Variants in CTNND2 observed in about 807,000 individuals in gnomAD.
CTNND2 encodes the protein catenin delta-2.
CTNND2 carries 22 observed loss-of-function variants against 144.4 expected under a neutral mutation model. That is an observed-to-expected ratio of 0.15 (90% CI 0.11 to 0.22). CTNND2 has a LOEUF of 0.22. Among genes scored for constraint, CTNND2 ranks in the 10% least tolerant of loss-of-function variants. The pLI, the probability that CTNND2 is intolerant of heterozygous loss-of-function variation, is 1.00. For synonymous variants in CTNND2, 751 were observed against 695.6 expected (o/e 1.08, Z -1.25); for missense variants, 1,353 against 1,618.8 (o/e 0.84, Z 2.82).
intron 9 of CTNND2, among the ~76,000 whole-genome samples, chr5:11,254,520 G>A (rs1744016321): frequency 6.6e-6 from 1 of 152,126 alleles, no homozygotes; most frequent in African/African-American, 2.4e-5. Flanking sequence ...GACTCCATTT[G>A]AATAGGTATC....
chr5:11,768,638 G>A (rs781252663), intron 1 of CTNND2, among the ~76,000 whole-genome samples: 53 of 152,134 alleles, frequency 3.5e-4, no homozygotes, highest in Non-Finnish European at 6.3e-4. Flanking sequence ...CATTGCTGAA[G>A]TTCACATAAC....
chr5:11,485,374 T>TGTGTGTGTGTGC (rs1191824518), intron 3 of CTNND2, among the ~76,000 whole-genome samples: 1 of 140,520 alleles, frequency 7.1e-6, no homozygotes, highest in African/African-American at 2.8e-5. Context: ...TGTGTGTGTG[T>TGTGTGTGTGTGC]GCGCGCGCGC....
At chr5:11,871,276 ATC>A (rs779342623) in intron 1 of CTNND2, among the ~76,000 whole-genome samples, 31 of 152,288 alleles carry the variant, frequency 2.0e-4, no homozygotes, top group Non-Finnish European at 3.8e-4. Context: ...CCTCTAAGCC[ATC>A]TCTCATGTTT....
chr5:11,592,964 C>T (rs989242407), intron 2 of CTNND2, among the ~76,000 whole-genome samples: 1 of 151,786 alleles, frequency 6.6e-6, no homozygotes, highest in Non-Finnish European at 1.5e-5. Context: ...CACACATACA[C>T]CTGATTTACA....
rs1561165020 is a variant in CTNND2 at position 11,009,658 on chromosome 5, CAAAAAT to C, written c.3084+8310_3084+8315del. Among the ~76,000 whole-genome samples the C allele has an allele frequency of 3.7e-4, 56 of 152,284 alleles. No homozygotes were observed. In the South Asian group the frequency reaches 0.011, roughly 31 times the overall value. Reference sequence around the variant, plus strand: ...TGGGGTATTTTTGTAGGGTTTGATTCAAAAATGTTACGAGCGAAGCCTTGTGAAATG... The same window carrying C: ...TGGGGTATTTTTGTAGGGTTTGATTCGTTACGAGCGAAGCCTTGTGAAATG... On this transcript the variant is annotated intron_variant, in intron 18 of 21. Coordinates refer to ENST00000304623, the MANE Select transcript of CTNND2 (RefSeq NM_001332.4).
chr5:11,651,089 T>C (rs1782625131), intron 2 of CTNND2, among the ~76,000 whole-genome samples: 1 of 152,148 alleles, frequency 6.6e-6, no homozygotes. Context: ...CAGTAGCCCA[T>C]CCCATTACAG....
chr5:11,310,060 G>A (rs904344162), intron 9 of CTNND2, among the ~76,000 whole-genome samples: 9 of 151,922 alleles, frequency 5.9e-5, no homozygotes, highest in Admixed American at 5.2e-4. Context: ...TCTATCTCAG[G>A]TAGTTTTTTT....
In CTNND2 at chr5:11,384,729, C is replaced by G. The variant is rs554473547; in HGVS notation, c.1113G>C (p.Gln371His). 1 of 1,612,472 alleles carries G rather than the reference C, an allele frequency of 6.2e-7. No homozygotes were observed. The highest frequency in any genetic ancestry group is 2.2e-5 in the East Asian group (1 of 44,836). Reference protein sequence around the residue: ...PTKRLVHASEQYSKHSQELYA... With the variant: ...PTKRLVHASEHYSKHSQELYA... ...ACAGCTCCTGCGAGTGCTTGCTGTACTGCTCGGACGCGTGGACCAGGCGCT... is the reference window on the plus strand; with the variant it reads ...ACAGCTCCTGCGAGTGCTTGCTGTAGTGCTCGGACGCGTGGACCAGGCGCT... The change falls in exon 7 of 22, where the codon CAG (glutamine) becomes CAC (histidine). Residue 371 changes from glutamine to histidine, a missense_variant. Around this residue, in one of 4 missense-constraint regions of CTNND2, gnomAD observed 708 missense variants for 706.4 expected, o/e 1.00. Coordinates refer to ENST00000304623, the MANE Select transcript of CTNND2 (RefSeq NM_001332.4). The surrounding 1 kb of genome is among the most constrained non-coding windows in gnomAD (Gnocchi z 5.2).
intron 14 of CTNND2, 52 bp downstream of exon 14, chr5:11,110,806 G>A: frequency 1.3e-6 from 2 of 1,530,874 alleles, no homozygotes; most frequent in South Asian, 1.2e-5. Flanking sequence ...ATATATTACA[G>A]TTGCAATTAG....
At chr5:11,583,480 G>T (rs1003597514) in intron 2 of CTNND2, among the ~76,000 whole-genome samples, 2 of 152,144 alleles carry the variant, frequency 1.3e-5, no homozygotes, top group African/African-American at 4.8e-5. Context: ...AGTACACGTG[G>T]ATACAAAATC....
chr5:11,732,915 A>G (rs535981872), intron 1 of CTNND2, among the ~76,000 whole-genome samples: 3 of 151,916 alleles, frequency 2.0e-5, no homozygotes, highest in Admixed American at 6.6e-5. Flanking sequence ...CGTCCTGGGG[A>G]AAAAAATGCT....
intron 12 of CTNND2, among the ~76,000 whole-genome samples, chr5:11,138,803 C>A (rs140659218): frequency 2.6e-5 from 4 of 152,262 alleles, no homozygotes; most frequent in Non-Finnish European, 4.4e-5. Flanking sequence ...CATGAGAGCT[C>A]TGCTCCATAC....
At chr5:11,427,331 G>A (rs13356299) in intron 3 of CTNND2, among the ~76,000 whole-genome samples, 9,892 of 142,108 alleles carry the variant, frequency 0.07, 919 homozygotes, top group African/African-American at 0.22. Flanking sequence ...ACGCTGAAGT[G>A]CAGTGGTGCC....
chr5:11,224,433 G>A (rs553756957), intron 10 of CTNND2, among the ~76,000 whole-genome samples: 3 of 152,120 alleles, frequency 2.0e-5, no homozygotes, highest in South Asian at 2.1e-4. Flanking sequence ...CCCCTCCACC[G>A]AGGCCTGGTA....
chr5:11,866,106 C>T lies in CTNND2; in HGVS notation c.37+37711G>A, dbSNP rs554657274. Among the ~76,000 whole-genome samples the T allele has an allele frequency of 9.9e-5, 15 of 152,040 alleles. 2 individuals are homozygous for T. The highest frequency in any genetic ancestry group is 3.4e-4 in the African/African-American group (14 of 41,496). The stretch of plus-strand genomic sequence containing the variant: ...TCTCTTGAAGCCATTAGTTTGAGAC[C>T]AGCCTGGGCAACATAGAAAGACCTC... On this transcript the variant is annotated intron_variant, in intron 1 of 21. Coordinates refer to ENST00000304623, the MANE Select transcript of CTNND2 (RefSeq NM_001332.4).
At chr5:11,001,160 C>A (rs188252536) in intron 18 of CTNND2, among the ~76,000 whole-genome samples, 1 of 152,176 alleles carries the variant, frequency 6.6e-6, no homozygotes, top group Admixed American at 6.5e-5. Flanking sequence ...AACATCCCCA[C>A]CTTTGATCAG....
chr5:11,051,106 C>T (rs571515430), intron 16 of CTNND2, among the ~76,000 whole-genome samples: 2 of 152,194 alleles, frequency 1.3e-5, no homozygotes, highest in South Asian at 2.1e-4. Flanking sequence ...AGAACAAAAG[C>T]GCATTCATTC....
At chr5:11,825,625 C>A (rs10039788) in intron 1 of CTNND2, among the ~76,000 whole-genome samples, 11,903 of 152,028 alleles carry the variant, frequency 0.078, 1,312 homozygotes, top group African/African-American at 0.25. Flanking sequence ...AATAATCTAA[C>A]AATCCTGACC....
At chr5:11,199,426 A>G (rs891689737) in intron 11 of CTNND2, 22 bp downstream of exon 11, 18 of 1,595,726 alleles carry the variant, frequency 1.1e-5, no homozygotes, top group Non-Finnish European at 1.4e-5. Context: ...ATATAATATA[A>G]TAATTTAATA....
Sources: gnomAD v4.1 joint callset for allele counts (sites outside exome capture counted in the v4.1 genomes callset) on GRCh38, gnomAD v4.1.1 for gene constraint, gnomAD v4.1.1 regional missense constraint, Gnocchi (gnomAD v3.1) non-coding constraint, MANE v1.5 for transcripts, NCBI Gene and HGNC (gene_info 2026-07-23, HGNC 2026-07-21) for gene names.